Variants in FUT8 observed in about 807,000 individuals in gnomAD.
The protein encoded by FUT8 is alpha-(1,6)-fucosyltransferase.
In FUT8, 29 loss-of-function variants were observed where a neutral mutation model predicts 71.3. That is an observed-to-expected ratio of 0.41 (90% CI 0.30 to 0.55). FUT8 has a LOEUF of 0.55. Among genes scored for constraint, FUT8 ranks in the 20% least tolerant of loss-of-function variants. The probability of loss-of-function intolerance (pLI) is 0.34; values close to 1 mark genes in which losing one functional copy is unlikely to be tolerated. For synonymous variants in FUT8, 254 were observed against 239.3 expected (o/e 1.06, Z -0.57); for missense variants, 544 against 702.1 (o/e 0.77, Z 2.55).
At chr14:65,539,984 C>G (rs1005586827) in intron 2 of FUT8, among the ~76,000 whole-genome samples, 1 of 152,136 alleles carries the variant, frequency 6.6e-6, no homozygotes, top group Non-Finnish European at 1.5e-5. Context: ...TATGGTAGAT[C>G]CAAGAATCCT....
chr14:65,578,413 T>A (rs1886906166), intron 3 of FUT8, among the ~76,000 whole-genome samples: 1 of 152,206 alleles, frequency 6.6e-6, no homozygotes, highest in South Asian at 2.1e-4. Flanking sequence ...GTATGAAGAT[T>A]TATTTTGTTT....
At chr14:65,686,587 G>C (rs1043121341) in intron 7 of FUT8, among the ~76,000 whole-genome samples, 1 of 151,990 alleles carries the variant, frequency 6.6e-6, no homozygotes, top group African/African-American at 2.4e-5. Flanking sequence ...GTTTTGTTAA[G>C]AACAGTTTGT....
intron 1 of FUT8, among the ~76,000 whole-genome samples, chr14:65,428,368 A>C (rs903349239): frequency 1.3e-5 from 2 of 152,138 alleles, no homozygotes; most frequent in Non-Finnish European, 2.9e-5. Context: ...TACCTACGTC[A>C]TGAGCGCAGA....
At chr14:65,398,940 C>T in the FUT8 span, among the ~76,000 whole-genome samples, 1 of 152,156 alleles carries the variant, frequency 6.6e-6, no homozygotes, top group Non-Finnish European at 1.5e-5. Context: ...TTCCCCACCA[C>T]AAAATCAAAA....
chr14:65,393,078 TG>T, the FUT8 span, among the ~76,000 whole-genome samples: 1 of 152,136 alleles, frequency 6.6e-6, no homozygotes, highest in Non-Finnish European at 1.5e-5. Flanking sequence ...TGTGATAAGG[TG>T]GGTGCTACTG....
At chr14:65,613,472 T>C (rs1263898497) in intron 3 of FUT8, among the ~76,000 whole-genome samples, 4 of 152,230 alleles carry the variant, frequency 2.6e-5, no homozygotes, top group Admixed American at 6.5e-5. Context: ...TGTGAATGTA[T>C]GCGTGCTCAT....
intron 2 of FUT8, among the ~76,000 whole-genome samples, chr14:65,459,814 C>G (rs1594653951): frequency 6.6e-6 from 1 of 152,024 alleles, no homozygotes; most frequent in South Asian, 2.1e-4. Context: ...ATTGATAAAA[C>G]TTGATTCACT....
At chr14:65,450,211 T>C (rs571890185) in intron 1 of FUT8, among the ~76,000 whole-genome samples, 1 of 152,330 alleles carries the variant, frequency 6.6e-6, no homozygotes, top group East Asian at 1.9e-4. Flanking sequence ...TCTTTCTTCC[T>C]AATGGTGTGG....
chr14:65,725,657 A>G (rs767193807), intron 9 of FUT8, among the ~76,000 whole-genome samples: 22 of 152,254 alleles, frequency 1.4e-4, no homozygotes, highest in Non-Finnish European at 2.2e-4. Flanking sequence ...TGTCTCCTTC[A>G]CTAGATTATA....
chr14:65,406,996 T>C (rs1478591927), upstream of FUT8, among the ~76,000 whole-genome samples: 2 of 152,178 alleles, frequency 1.3e-5, no homozygotes, highest in African/African-American at 2.4e-5. Context: ...GTCCCCTTCT[T>C]AATTCAGTCC....
intron 2 of FUT8, among the ~76,000 whole-genome samples, chr14:65,532,591 T>G (rs1486910736): frequency 3.3e-5 from 5 of 152,144 alleles, no homozygotes; most frequent in Non-Finnish European, 7.4e-5. Context: ...CTGTAGGTTG[T>G]TTGTTTTCTC....
At chr14:65,478,283 T>C (rs2066278257) in intron 2 of FUT8, among the ~76,000 whole-genome samples, 1 of 152,116 alleles carries the variant, frequency 6.6e-6, no homozygotes, top group Non-Finnish European at 1.5e-5. Context: ...TGGATAGTAC[T>C]GAACCCTATA....
intron 1 of FUT8, among the ~76,000 whole-genome samples, chr14:65,432,278 A>G (rs2065487713): frequency 6.6e-6 from 1 of 152,122 alleles, no homozygotes; most frequent in Non-Finnish European, 1.5e-5. Flanking sequence ...CCTATACTGT[A>G]AGTTCCTGAA....
At chr14:65,398,728 C>CAA in the FUT8 span, among the ~76,000 whole-genome samples, 2 of 128,188 alleles carry the variant, frequency 1.6e-5, no homozygotes, top group African/African-American at 2.9e-5. Context: ...GACTCCATCT[C>CAA]AAAAAAAAAA....
chr14:65,590,634 A>T (rs971641104), intron 3 of FUT8, among the ~76,000 whole-genome samples: 2 of 152,192 alleles, frequency 1.3e-5, no homozygotes, highest in Non-Finnish European at 2.9e-5. Flanking sequence ...GGTAAGAATC[A>T]CAATATAGGG....
the FUT8 span, among the ~76,000 whole-genome samples, chr14:65,372,427 T>C: frequency 6.6e-6 from 1 of 152,138 alleles, no homozygotes; most frequent in Non-Finnish European, 1.5e-5. Flanking sequence ...TTTTTTTTTT[T>C]TCTTTTGGGA....
chr14:65,414,377 T>C (rs2065188880), intron 1 of FUT8, among the ~76,000 whole-genome samples: 1 of 152,178 alleles, frequency 6.6e-6, no homozygotes, highest in Admixed American at 6.5e-5. Context: ...GTGCATCATA[T>C]AGAAAGTATT....
At chr14:65,420,023 A>C (rs1181310824) in intron 1 of FUT8, among the ~76,000 whole-genome samples, 4 of 152,350 alleles carry the variant, frequency 2.6e-5, no homozygotes, top group African/African-American at 2.4e-5. Context: ...TAAGTAAACA[A>C]ACACACAATA....
At chr14:65,475,516 A>T (rs572991533) in intron 2 of FUT8, among the ~76,000 whole-genome samples, 2 of 152,140 alleles carry the variant, frequency 1.3e-5, no homozygotes, top group African/African-American at 4.8e-5. Flanking sequence ...GAGGCAGAGC[A>T]TTGCTTGAGG....
Sources: allele counts gnomAD v4.1 joint callset (sites outside exome capture counted in the v4.1 genomes callset), GRCh38; gene constraint gnomAD v4.1.1; transcripts MANE v1.5; gene names NCBI Gene and HGNC (gene_info 2026-07-23, HGNC 2026-07-21).